The following ATXN7L1 variants were observed in gnomAD, a reference collection of about 807,000 sequenced individuals.
ATXN7L1 encodes the protein ataxin-7-like protein 1.
A neutral mutation model predicts 70.8 loss-of-function variants in ATXN7L1; 15 were observed. That is an observed-to-expected ratio of 0.21 (90% CI 0.14 to 0.33). ATXN7L1 has a LOEUF of 0.33. Ranked by LOEUF, ATXN7L1 falls within the 10% of genes least tolerant of loss-of-function variation. The pLI, the probability that ATXN7L1 is intolerant of heterozygous loss-of-function variation, is 1.00. For missense variants in ATXN7L1, 975 were observed against 1,097.1 expected (o/e 0.89, Z 1.57); for synonymous variants, 440 against 445.1 (o/e 0.99, Z 0.14).
chr7:105,664,487 C>CATATATGTATA (rs145743727), intron 4 of ATXN7L1, among the ~76,000 whole-genome samples: 1 of 141,840 alleles, frequency 7.1e-6, no homozygotes, highest in Non-Finnish European at 1.5e-5. Context: ...TATATGTATA[C>CATATATGTATA]ATATATGTAT....
intron 2 of ATXN7L1, among the ~76,000 whole-genome samples, chr7:105,837,064 G>A (rs914552847): frequency 1.3e-5 from 2 of 152,146 alleles, no homozygotes; most frequent in Non-Finnish European, 2.9e-5. Context: ...AAGACGAAGC[G>A]CGAGAGAGTG....
chr7:105,710,548 C>T (rs1477564942), intron 3 of ATXN7L1, among the ~76,000 whole-genome samples: 1 of 151,900 alleles, frequency 6.6e-6, no homozygotes, highest in Admixed American at 6.6e-5. Flanking sequence ...GCTGGGACTA[C>T]AGGCACCTGC....
At chr7:105,863,602 A>T (rs1344104687) in intron 2 of ATXN7L1, among the ~76,000 whole-genome samples, 1 of 152,172 alleles carries the variant, frequency 6.6e-6, no homozygotes, top group Non-Finnish European at 1.5e-5. Context: ...AGACATCAGG[A>T]CACAGTGCTT....
chr7:105,803,093 C>T (rs1333145145), intron 2 of ATXN7L1, among the ~76,000 whole-genome samples: 1 of 152,234 alleles, frequency 6.6e-6, no homozygotes, highest in Non-Finnish European at 1.5e-5. Context: ...CTACTTTCTA[C>T]CCCTGTGTCA....
rs111326095 is a variant in ATXN7L1, at chr7:105,838,126, C to T, written c.250+37686G>A. ...ATGTGATCCTAGAGACCCATAATGG[C>T]TCAGTGTTCTAACATAATCCTGCCC... On this transcript the variant is annotated intron_variant, in intron 2 of 11. Coordinates refer to ENST00000419735, the MANE Select transcript of ATXN7L1 (RefSeq NM_020725.2). Among the ~76,000 whole-genome samples, 463 of 152,290 alleles carry T rather than the reference C, an allele frequency of 3.0e-3. 1 individual carries two copies. The highest frequency in any genetic ancestry group is 4.8e-3 in the Non-Finnish European group (329 of 68,022).
At chr7:105,738,744 C>A (rs1048332274) in intron 3 of ATXN7L1, among the ~76,000 whole-genome samples, 1 of 152,198 alleles carries the variant, frequency 6.6e-6, no homozygotes. Flanking sequence ...GCTATAATGA[C>A]TTTTGTATTT....
intron 2 of ATXN7L1, among the ~76,000 whole-genome samples, chr7:105,805,053 A>G (rs940565965): frequency 6.6e-6 from 1 of 152,248 alleles, no homozygotes; most frequent in Non-Finnish European, 1.5e-5. Context: ...GTCTACAATG[A>G]GGATCAGCTA....
At chr7:105,688,053 C>T (rs1387683677) in intron 3 of ATXN7L1, among the ~76,000 whole-genome samples, 1 of 152,168 alleles carries the variant, frequency 6.6e-6, no homozygotes, top group East Asian at 1.9e-4. Context: ...CGGAGTGTCC[C>T]ACCTCAGGAA....
intron 3 of ATXN7L1, among the ~76,000 whole-genome samples, chr7:105,750,283 C>CT (rs200153235): frequency 0.28 from 40,401 of 145,896 alleles, 6,538 homozygotes; most frequent in African/African-American, 0.43. Flanking sequence ...TATAATTGCT[C>CT]TTTTTTTTTT....
At chr7:105,766,765 AG>A (rs1801312249) in intron 3 of ATXN7L1, among the ~76,000 whole-genome samples, 1 of 152,190 alleles carries the variant, frequency 6.6e-6, no homozygotes, top group South Asian at 2.1e-4. Flanking sequence ...GTGCTGGAAG[AG>A]AATCAAAAGA....
chr7:105,664,525 TG>T (rs1802248497), intron 4 of ATXN7L1, among the ~76,000 whole-genome samples: 1 of 143,070 alleles, frequency 7.0e-6, no homozygotes, highest in Non-Finnish European at 1.5e-5. Context: ...TATATACATA[TG>T]TATAATATAT....
intron 2 of ATXN7L1, among the ~76,000 whole-genome samples, chr7:105,848,624 A>C (rs1275859130): frequency 6.6e-6 from 1 of 152,250 alleles, no homozygotes; most frequent in Non-Finnish European, 1.5e-5. Context: ...TACAGGAAAC[A>C]AACAAAAGGT....
intron 10 of ATXN7L1, among the ~76,000 whole-genome samples, chr7:105,613,222 A>G (rs1345348559): frequency 6.6e-6 from 1 of 152,194 alleles, no homozygotes; most frequent in African/African-American, 2.4e-5. Flanking sequence ...TCCTCACCAT[A>G]CACACTCCTA....
intron 9 of ATXN7L1, among the ~76,000 whole-genome samples, chr7:105,616,741 A>G (rs1293979049): frequency 2.6e-5 from 4 of 152,182 alleles, no homozygotes; most frequent in African/African-American, 9.7e-5. Flanking sequence ...GTCTACACAC[A>G]TCCTTAGAAC....
In ATXN7L1 at chr7:105,797,077, G is replaced by A. The variant is rs78744653; in HGVS notation, c.251-8369C>T. ...GAGAACTAGAAAAGCAAGCAGCAGCGGTGAGCTCTCCAGCATCACTCCAGC... is the reference window on the plus strand; with the variant it reads ...GAGAACTAGAAAAGCAAGCAGCAGCAGTGAGCTCTCCAGCATCACTCCAGC... On this transcript the variant is annotated intron_variant, in intron 2 of 11. Transcript: ENST00000419735. Among the ~76,000 whole-genome samples, 61 of 152,264 alleles carry A rather than the reference G, an allele frequency of 4.0e-4. No homozygotes were observed. In the East Asian group the frequency reaches 5.2e-3, roughly 13 times the overall value.
intron 3 of ATXN7L1, among the ~76,000 whole-genome samples, chr7:105,749,347 A>G (rs1023817806): frequency 6.6e-5 from 10 of 151,992 alleles, no homozygotes; most frequent in African/African-American, 2.4e-4. Flanking sequence ...TGGGCTTTTC[A>G]AAAGAAGTTT....
rs145689931 is a variant in ATXN7L1, at chr7:105,860,794, G to A, written c.250+15018C>T. Among the ~76,000 whole-genome samples, 166 of 152,240 alleles carry A rather than the reference G, an allele frequency of 1.1e-3. 2 individuals are homozygous for A. Among genetic ancestry groups the A allele is most frequent in the African/African-American group, 3.7e-3 (155 of 41,534 alleles). On this transcript the variant is annotated intron_variant, in intron 2 of 11. Transcript: ENST00000419735. ...TATTTCAAAAACAAGATGCTTAGTC[G>A]AACTATAACACTGCTGGTTGAAAGA...
intron 2 of ATXN7L1, among the ~76,000 whole-genome samples, chr7:105,846,411 A>G (rs922376207): frequency 5.3e-5 from 8 of 152,198 alleles, no homozygotes; most frequent in Non-Finnish European, 8.8e-5. Context: ...CAAAACCACA[A>G]TGAAATACCA....
chr7:105,725,938 C>T (rs1406415628), intron 3 of ATXN7L1, among the ~76,000 whole-genome samples: 15 of 148,696 alleles, frequency 1.0e-4, no homozygotes, highest in African/African-American at 3.0e-4. Flanking sequence ...AGTCTTGCTC[C>T]GTCGTCCAGG....
Sources: gnomAD v4.1 joint callset for allele counts (sites outside exome capture counted in the v4.1 genomes callset) on GRCh38, gnomAD v4.1.1 for gene constraint, MANE v1.5 for transcripts, NCBI Gene and HGNC (gene_info 2026-07-23, HGNC 2026-07-21) for gene names.